ZC3H12B: variants seen among roughly 807,000 people sequenced by gnomAD.
ZC3H12B encodes the protein probable ribonuclease ZC3H12B.
In ZC3H12B, 7 loss-of-function variants were observed where a neutral mutation model predicts 43.9. The ratio of observed to expected loss-of-function variants is 0.16; its 90% CI spans 0.09 to 0.30. ZC3H12B has a LOEUF of 0.30. ZC3H12B is among the 10% of genes least tolerant of loss of function. ZC3H12B has a pLI of 1.00. For missense variants in ZC3H12B, 475 were observed against 670.2 expected (o/e 0.71, Z 3.22); for synonymous variants, 222 against 241.7 (o/e 0.92, Z 0.76).
At chrX:65,470,067 G>A (rs1157622384) in intron 3 of ZC3H12B, 2 of 116,508 alleles carry the variant, frequency 1.7e-5, no homozygotes, top group Admixed American at 9.4e-5. Flanking sequence ...CATACCCAAC[G>A]ATGCCGACTC....
At chrX:65,107,175 CTT>C in the ZC3H12B span, among the ~76,000 whole-genome samples, 6 of 111,689 alleles carry the variant, frequency 5.4e-5, no homozygotes, top group African/African-American at 1.6e-4. Flanking sequence ...GAATGACAAA[CTT>C]TGCATGTTTA....
At chrX:65,188,812 TTTA>T in the ZC3H12B span, among the ~76,000 whole-genome samples, 3 of 108,722 alleles carry the variant, frequency 2.8e-5, no homozygotes, top group African/African-American at 1.0e-4. Flanking sequence ...GTTTTTTTTT[TTTA>T]TTTAAGTTTT....
At chrX:65,469,313 G>A (rs1212436519) in intron 3 of ZC3H12B, 3 of 321,815 alleles carry the variant, frequency 9.3e-6, no homozygotes, top group Middle Eastern at 8.9e-4. Context: ...AGAAGAACGA[G>A]GTCTTCATTG....
intron 1 of ZC3H12B, among the ~76,000 whole-genome samples, 167 bp from the exon 7 acceptor site, chrX:65,496,965 G>GA (rs1250300419): frequency 1.9e-4 from 18 of 93,649 alleles, no homozygotes; most frequent in Admixed American, 3.5e-4. Context: ...AAAAAAAAAA[G>GA]AAAAAAAAGA....
At chrX:65,212,177 T>C in the ZC3H12B span, among the ~76,000 whole-genome samples, 1 of 49,452 alleles carries the variant, frequency 2.0e-5, no homozygotes, top group East Asian at 8.1e-4. Context: ...TATAATATTA[T>C]ATATTATATA....
the ZC3H12B span, among the ~76,000 whole-genome samples, chrX:65,085,771 GAAAA>G: frequency 2.6e-4 from 24 of 91,634 alleles, no homozygotes; most frequent in Admixed American, 2.7e-3. Context: ...CTCGAAAAAA[GAAAA>G]AAAAAAAAGA....
the ZC3H12B span, among the ~76,000 whole-genome samples, chrX:65,234,057 AACAC>A: frequency 5.7e-4 from 63 of 111,452 alleles, no homozygotes; most frequent in African/African-American, 1.9e-3. Context: ...GGACAAAAAC[AACAC>A]AAACAAACAA....
chrX:65,209,779 C>G, the ZC3H12B span, among the ~76,000 whole-genome samples: 1 of 104,425 alleles, frequency 9.6e-6, no homozygotes, highest in East Asian at 3.0e-4. Flanking sequence ...CTACAACTAT[C>G]TGATCTTTGA....
At chrX:65,333,192 G>A in the ZC3H12B span, among the ~76,000 whole-genome samples, 1 of 108,792 alleles carries the variant, frequency 9.2e-6, no homozygotes, top group African/African-American at 3.3e-5. Context: ...ACAAGGTAGG[G>A]GGCCAGTTTT....
chrX:65,046,956 TATTG>T, the ZC3H12B span, among the ~76,000 whole-genome samples: 1 of 111,151 alleles, frequency 9.0e-6, no homozygotes, highest in East Asian at 2.8e-4. Flanking sequence ...TGTACATATT[TATTG>T]ATTATGTTTG....
intron 3 of ZC3H12B, among the ~76,000 whole-genome samples, chrX:65,429,013 G>T (rs1040531758): frequency 1.8e-5 from 2 of 112,051 alleles, no homozygotes; most frequent in African/African-American, 6.5e-5. Context: ...CCGTAGTGCT[G>T]CTGCAGTTTG....
chrX:65,405,470 A>C (rs950864884), intron 3 of ZC3H12B, among the ~76,000 whole-genome samples: 1 of 110,864 alleles, frequency 9.0e-6, no homozygotes, highest in Non-Finnish European at 1.9e-5. Context: ...AAATACAAAA[A>C]TTAGCCAGGC....
chrX:65,119,181 G>A, the ZC3H12B span, among the ~76,000 whole-genome samples: 3 of 111,181 alleles, frequency 2.7e-5, no homozygotes, highest in Admixed American at 1.9e-4. Context: ...CGGATGGCTG[G>A]GTCAAATGGT....
the ZC3H12B span, among the ~76,000 whole-genome samples, chrX:65,312,893 G>C: frequency 9.0e-6 from 1 of 111,145 alleles, no homozygotes; most frequent in African/African-American, 3.3e-5. Flanking sequence ...TTTTTTGTTT[G>C]TTTTTTGAGA....
the ZC3H12B span, among the ~76,000 whole-genome samples, chrX:65,244,687 A>G: frequency 1.1e-5 from 1 of 88,775 alleles, no homozygotes; most frequent in South Asian, 6.2e-4. Context: ...CCATGACTGC[A>G]CTGCTGCACA....
chrX:65,337,434 T>A, the ZC3H12B span, among the ~76,000 whole-genome samples: 3 of 112,541 alleles, frequency 2.7e-5, no homozygotes, highest in Admixed American at 9.4e-5. Context: ...CTGACTTTTT[T>A]AAGGCCTATT....
At chrX:65,481,102 C>A (rs2068058289) in intron 3 of ZC3H12B, among the ~76,000 whole-genome samples, 1 of 110,392 alleles carries the variant, frequency 9.1e-6, no homozygotes, top group Non-Finnish European at 1.9e-5. Flanking sequence ...ACTCACTAAT[C>A]TTGACCTCAC....
chrX:65,278,879 A>G, the ZC3H12B span, among the ~76,000 whole-genome samples: 145 of 103,637 alleles, frequency 1.4e-3, 1 homozygote, highest in African/African-American at 5.1e-3. Flanking sequence ...GCTCCCACTT[A>G]TAAGTGAAAA....
At chrX:65,315,098 G>A in the ZC3H12B span, among the ~76,000 whole-genome samples, 1 of 110,727 alleles carries the variant, frequency 9.0e-6, no homozygotes, top group African/African-American at 3.3e-5. Flanking sequence ...AACACAAGGA[G>A]AAAACATAAA....
Sources: gnomAD v4.1 joint callset for allele counts (sites outside exome capture counted in the v4.1 genomes callset) on GRCh38, gnomAD v4.1.1 for gene constraint, MANE v1.5 for transcripts, NCBI Gene and HGNC (gene_info 2026-07-23, HGNC 2026-07-21) for gene names.